The following RSRC1 variants were observed in gnomAD, a reference collection of about 807,000 sequenced individuals.
RSRC1 encodes arginine and serine rich coiled-coil 1.
Under a neutral mutation model 49.1 loss-of-function variants are expected in RSRC1, and 39 were observed. The ratio of observed to expected loss-of-function variants is 0.79; its 90% CI spans 0.61 to 1.04. The LOEUF (loss-of-function observed/expected upper bound fraction) is 1.04, where lower values mean the gene tolerates loss of function less well. RSRC1 is among the 50% of genes least tolerant of loss of function. The pLI, the probability that RSRC1 is intolerant of heterozygous loss-of-function variation, is 0.00. For synonymous variants in RSRC1, 143 were observed against 130.8 expected (o/e 1.09, Z -0.63); for missense variants, 388 against 402.4 (o/e 0.96, Z 0.31).
intron 6 of RSRC1, among the ~76,000 whole-genome samples, chr3:158,391,480 T>C (rs1330273741): frequency 6.6e-6 from 1 of 152,148 alleles, no homozygotes; most frequent in Non-Finnish European, 1.5e-5. Context: ...TTCAAACAGC[T>C]TGCTAGTAAT....
chr3:158,344,954 T>C (rs1429867271), intron 5 of RSRC1, among the ~76,000 whole-genome samples: 1 of 152,024 alleles, frequency 6.6e-6, no homozygotes, highest in East Asian at 1.9e-4. Context: ...CACGGTGGCT[T>C]ACGCCTGTAA....
At chr3:158,395,450 C>T (rs565351098) in intron 6 of RSRC1, among the ~76,000 whole-genome samples, 3 of 152,006 alleles carry the variant, frequency 2.0e-5, no homozygotes, top group Non-Finnish European at 4.4e-5. Flanking sequence ...AGGTCAATAT[C>T]CAGAATCTAT....
At chr3:158,277,403 T>G (rs569213510) in intron 4 of RSRC1, among the ~76,000 whole-genome samples, 1 of 152,330 alleles carries the variant, frequency 6.6e-6, no homozygotes, top group African/African-American at 2.4e-5. Context: ...TTTATAAAAT[T>G]CTGTTAGATT....
chr3:158,192,004 G>C (rs961016847), intron 3 of RSRC1, among the ~76,000 whole-genome samples: 2 of 152,036 alleles, frequency 1.3e-5, no homozygotes, highest in African/African-American at 4.8e-5. Flanking sequence ...TGGTTTCATG[G>C]TTGTTTTTAA....
intron 6 of RSRC1, among the ~76,000 whole-genome samples, chr3:158,380,326 G>A (rs1366027193): frequency 6.6e-6 from 1 of 152,044 alleles, no homozygotes; most frequent in African/African-American, 2.4e-5. Flanking sequence ...CAAGCATGGT[G>A]GCATGAGCCT....
In RSRC1 at chr3:158,162,724, G is replaced by A. The variant is rs372737527; in HGVS notation, c.320+38733G>A. 1.1e-4 allele frequency among the ~76,000 whole-genome samples: 17 copies of A among 152,248 alleles called. No individual in the cohort carries two copies. In the East Asian group the frequency reaches 1.9e-3, roughly 17 times the overall value. On this transcript the variant is annotated intron_variant, in intron 3 of 9. Coordinates refer to ENST00000611884, the MANE Select transcript of RSRC1 (RefSeq NM_001271838.2). ...CATATTCTGAGGGGCTGATATCAGC[G>A]TTATTGTTTTGCTATTAGTCAGGTA...
intron 5 of RSRC1, among the ~76,000 whole-genome samples, chr3:158,348,970 A>G (rs1007922725): frequency 6.6e-5 from 10 of 152,236 alleles, no homozygotes; most frequent in Non-Finnish European, 1.0e-4. Flanking sequence ...TACATATACC[A>G]CGTTTTCTTT....
intron 3 of RSRC1, among the ~76,000 whole-genome samples, chr3:158,161,393 C>G (rs191819704): frequency 6.6e-6 from 1 of 152,332 alleles, no homozygotes; most frequent in East Asian, 1.9e-4. Flanking sequence ...CTAAATGTCA[C>G]TTCTGCCAAC....
chr3:158,290,275 T>C (rs1454802990), intron 4 of RSRC1, among the ~76,000 whole-genome samples: 2 of 152,072 alleles, frequency 1.3e-5, no homozygotes, highest in South Asian at 4.2e-4. Flanking sequence ...TTTTTTGTTG[T>C]GTTTTGTTTT....
chr3:158,513,858 T>TGTCAAGGA (rs1740338998), intron 7 of RSRC1, among the ~76,000 whole-genome samples: 1 of 152,256 alleles, frequency 6.6e-6, no homozygotes, highest in Non-Finnish European at 1.5e-5. Flanking sequence ...AGAGTGTATG[T>TGTCAAGGA]GTCAAGGAAT....
At chr3:158,357,550 T>C (rs891002389) in intron 6 of RSRC1, among the ~76,000 whole-genome samples, 8 of 152,130 alleles carry the variant, frequency 5.3e-5, no homozygotes, top group African/African-American at 1.9e-4. Context: ...AGAGGGCAAG[T>C]AGATGGATAG....
intron 5 of RSRC1, among the ~76,000 whole-genome samples, chr3:158,299,126 A>T (rs1727391242): frequency 6.6e-6 from 1 of 152,102 alleles, no homozygotes; most frequent in Admixed American, 6.6e-5. Flanking sequence ...AGTAAATAAC[A>T]TGGTTATTTT....
At chr3:158,127,756 G>T (rs866532827) in intron 3 of RSRC1, among the ~76,000 whole-genome samples, 15 of 81,260 alleles carry the variant, frequency 1.8e-4, no homozygotes, top group African/African-American at 7.6e-4. Context: ...CTGCTTTGTG[G>T]TTTTTTTTTT....
chr3:158,379,224 C>T (rs560647533), intron 6 of RSRC1, among the ~76,000 whole-genome samples: 2 of 127,120 alleles, frequency 1.6e-5, no homozygotes, highest in African/African-American at 6.1e-5. Context: ...TTTTTGAGAC[C>T]GAGTCTCGCT....
chr3:158,253,599 A>T (rs752212542), intron 4 of RSRC1, among the ~76,000 whole-genome samples: 2 of 152,168 alleles, frequency 1.3e-5, no homozygotes, highest in Non-Finnish European at 2.9e-5. Flanking sequence ...GATAGTGCAC[A>T]TAAGTTCAAA....
At chr3:158,242,617 G>A (rs827174) in intron 4 of RSRC1, among the ~76,000 whole-genome samples, 105,064 of 152,002 alleles carry the variant, frequency 0.69, 36,733 homozygotes, top group East Asian at 0.84. Flanking sequence ...TCTTTCAGGA[G>A]TTGCCACACT....
chr3:158,515,005 G>C lies in RSRC1; in HGVS notation c.653-22087G>C, dbSNP rs1258964632. Among the ~76,000 whole-genome samples, 6 of 151,466 alleles carry C rather than the reference G, an allele frequency of 4.0e-5. No individual in the cohort carries two copies. In the East Asian group the frequency reaches 9.7e-4, roughly 24 times the overall value. ...CTCCATCCTTTTATTTTGAGCCTAT[G>C]TGTGTCTCTGCACTTGAGATGGGTT... is the stretch of plus-strand genomic sequence containing the variant. On this transcript the variant is annotated intron_variant, in intron 7 of 9. Coordinates refer to ENST00000611884, the MANE Select transcript of RSRC1 (RefSeq NM_001271838.2).
chr3:158,349,511 G>A (rs980637633), intron 5 of RSRC1, among the ~76,000 whole-genome samples: 1 of 151,936 alleles, frequency 6.6e-6, no homozygotes, highest in Non-Finnish European at 1.5e-5. Flanking sequence ...ATTATTACTA[G>A]TTTTAGCAAT....
chr3:158,116,150 CATG>C (rs1303100120), intron 1 of RSRC1, among the ~76,000 whole-genome samples: 1 of 152,162 alleles, frequency 6.6e-6, no homozygotes, highest in African/African-American at 2.4e-5. Flanking sequence ...CTATCATTCT[CATG>C]GTGGCAATAC....
Sources: gnomAD v4.1 joint callset for allele counts (sites outside exome capture counted in the v4.1 genomes callset) on GRCh38, gnomAD v4.1.1 for gene constraint, MANE v1.5 for transcripts, NCBI Gene and HGNC (gene_info 2026-07-23, HGNC 2026-07-21) for gene names.